DPH6: variants seen among roughly 807,000 people sequenced by gnomAD.
DPH6 encodes diphthamine biosynthesis 6, also known as diphthine--ammonia ligase.
A neutral mutation model predicts 38.2 loss-of-function variants in DPH6; 33 were observed. The observed-to-expected ratio is 0.86, with a 90% CI of 0.65 to 1.15. The LOEUF is 1.15. Ranked by LOEUF, DPH6 falls within the 50% of genes most tolerant of loss-of-function variation. The pLI is 0.00. For missense variants in DPH6, 325 were observed against 320.0 expected (o/e 1.02, Z -0.12); for synonymous variants, 108 against 103.0 (o/e 1.05, Z -0.30).
At chr15:35,528,052 T>G (rs2055031384) in intron 3 of DPH6, among the ~76,000 whole-genome samples, 1 of 152,174 alleles carries the variant, frequency 6.6e-6, no homozygotes, top group Non-Finnish European at 1.5e-5. Flanking sequence ...AAGACTATAT[T>G]TTGCTTGATT....
chr15:35,415,360 C>G (rs778487780), intron 5 of DPH6, among the ~76,000 whole-genome samples: 4 of 151,812 alleles, frequency 2.6e-5, no homozygotes, highest in Non-Finnish European at 5.9e-5. Flanking sequence ...ATTCTATGTA[C>G]GAGTCTGGAA....
At chr15:35,258,074 T>C (rs2051719894) in intron 3 of DPH6, among the ~76,000 whole-genome samples, 1 of 152,148 alleles carries the variant, frequency 6.6e-6, no homozygotes, top group East Asian at 1.9e-4. Flanking sequence ...CTTTTTACCA[T>C]AGCAGCCCAA....
intron 3 of DPH6, among the ~76,000 whole-genome samples, chr15:35,249,979 C>T (rs966401448): frequency 6.0e-5 from 9 of 150,352 alleles, no homozygotes; most frequent in African/African-American, 1.9e-4. Flanking sequence ...CTGGCTAACA[C>T]GGCGAAACAC....
At chr15:35,450,887 AT>A in intron 4 of DPH6, 84 bp from the exon 5 acceptor site, 1 of 1,100,862 alleles carries the variant, frequency 9.1e-7, no homozygotes, top group Non-Finnish European at 1.3e-6. Flanking sequence ...GATTTGAAAC[AT>A]AATGCTTCGT....
intron 3 of DPH6, among the ~76,000 whole-genome samples, chr15:35,292,840 C>G (rs2051989111): frequency 6.6e-6 from 1 of 152,086 alleles, no homozygotes; most frequent in African/African-American, 2.4e-5. Flanking sequence ...GCCTGAAAAT[C>G]TGGCATTTCT....
At chr15:35,252,261 T>C (rs191523390) in intron 3 of DPH6, among the ~76,000 whole-genome samples, 1 of 152,342 alleles carries the variant, frequency 6.6e-6, no homozygotes, top group Non-Finnish European at 1.5e-5. Context: ...CACCCACTTA[T>C]AGATGAAAAA....
chr15:35,464,091 C>T (rs112869846), intron 3 of DPH6, among the ~76,000 whole-genome samples: 21 of 151,936 alleles, frequency 1.4e-4, no homozygotes, highest in Admixed American at 3.3e-4. Context: ...GTCAGGAGTT[C>T]GAGACCATCC....
intron 3 of DPH6, among the ~76,000 whole-genome samples, chr15:35,251,528 T>A (rs2051673835): frequency 1.3e-5 from 2 of 152,206 alleles, no homozygotes; most frequent in Non-Finnish European, 2.9e-5. Context: ...ACTTCAGAGC[T>A]TGGACATAAG....
At chr15:35,253,361 T>C (rs2051686942) in intron 3 of DPH6, among the ~76,000 whole-genome samples, 3 of 152,166 alleles carry the variant, frequency 2.0e-5, no homozygotes, top group Non-Finnish European at 4.4e-5. Context: ...CAATGGCAGA[T>C]TCTTATATTC....
At chr15:35,234,586 C>A (rs1227419197) in intron 3 of DPH6, among the ~76,000 whole-genome samples, 3 of 152,330 alleles carry the variant, frequency 2.0e-5, no homozygotes, top group South Asian at 2.1e-4. Flanking sequence ...ATTAACAACA[C>A]CCAAACTATG....
chr15:35,420,325 T>C (rs2053488460), intron 5 of DPH6, among the ~76,000 whole-genome samples: 1 of 151,978 alleles, frequency 6.6e-6, no homozygotes, highest in Admixed American at 6.6e-5. Flanking sequence ...TTTGTAGCAA[T>C]AAATGCCTAC....
chr15:35,292,621 T>C (rs1317417235), intron 3 of DPH6, among the ~76,000 whole-genome samples: 2 of 152,158 alleles, frequency 1.3e-5, no homozygotes, highest in African/African-American at 4.8e-5. Flanking sequence ...GCAAAGTTAG[T>C]GATGATTTTA....
chr15:35,363,928 C>G (rs558769497), intron 3 of DPH6, among the ~76,000 whole-genome samples: 1 of 151,816 alleles, frequency 6.6e-6, no homozygotes, highest in Non-Finnish European at 1.5e-5. Flanking sequence ...TCTCTAACAC[C>G]CTTAGTTATG....
chr15:35,414,785 C>G (rs1014453161), intron 5 of DPH6, among the ~76,000 whole-genome samples: 1 of 151,008 alleles, frequency 6.6e-6, no homozygotes, highest in African/African-American at 2.4e-5. Context: ...AGCATTTATT[C>G]TGCCCACTGA....
intron 3 of DPH6, among the ~76,000 whole-genome samples, chr15:35,482,754 A>G (rs2054343428): frequency 6.6e-6 from 1 of 152,124 alleles, no homozygotes; most frequent in Admixed American, 6.5e-5. Context: ...AAACTACAAA[A>G]TATTTAGAAC....
chr15:35,507,467 G>A (rs886806677), intron 3 of DPH6, among the ~76,000 whole-genome samples: 3 of 151,828 alleles, frequency 2.0e-5, no homozygotes, highest in Non-Finnish European at 4.4e-5. Context: ...TTGAAACCTC[G>A]TATATTTATA....
intron 3 of DPH6, among the ~76,000 whole-genome samples, chr15:35,236,172 A>G (rs2051549518): frequency 6.6e-6 from 1 of 152,254 alleles, no homozygotes; most frequent in Non-Finnish European, 1.5e-5. Flanking sequence ...TAATTATTTC[A>G]TTTTGTAAAG....
chr15:35,283,750 C>T (rs1000004401), intron 3 of DPH6, among the ~76,000 whole-genome samples: 5 of 140,084 alleles, frequency 3.6e-5, no homozygotes, highest in Non-Finnish European at 7.5e-5. Context: ...TCATTGGGCA[C>T]AGATAGTACA....
At chr15:35,521,583 G>A in intron 3 of DPH6, 1 of 1,227,202 alleles carries the variant, frequency 8.1e-7, no homozygotes, top group Non-Finnish European at 1.0e-6. Context: ...AAATGTATTT[G>A]CAATATTGCT....
Sources: allele counts gnomAD v4.1 joint callset (sites outside exome capture counted in the v4.1 genomes callset), GRCh38; gene constraint gnomAD v4.1.1; transcripts MANE v1.5; gene names NCBI Gene and HGNC (gene_info 2026-07-23, HGNC 2026-07-21).